Variants in RASA3 observed in about 807,000 individuals in gnomAD.
RASA3 encodes ras GTPase-activating protein 3.
A neutral mutation model predicts 110.0 loss-of-function variants in RASA3; 73 were observed. The ratio of observed to expected loss-of-function variants is 0.66; its 90% CI spans 0.55 to 0.81. The LOEUF (loss-of-function observed/expected upper bound fraction) is 0.81. Among genes scored for constraint, RASA3 ranks in the 30% least tolerant of loss-of-function variants. The pLI, the probability that RASA3 is intolerant of heterozygous loss-of-function variation, is 0.00. For synonymous variants in RASA3, 500 were observed against 451.4 expected (o/e 1.11, Z -1.37); for missense variants, 976 against 1,113.2 (o/e 0.88, Z 1.75).
intron 23 of RASA3, among the ~76,000 whole-genome samples, chr13:113,980,435 G>GCAC (rs2052904651): frequency 1.0e-5 from 1 of 96,590 alleles, no homozygotes; most frequent in Non-Finnish European, 2.1e-5. Context: ...CTCCGTGTGT[G>GCAC]CACCTCCTGC....
At position 114,132,126 on chromosome 13, in the gene RASA3, G is replaced by A. The variant is rs145852341; in HGVS notation, c.55+309C>T. Among the ~76,000 whole-genome samples, 611 of 152,368 alleles carry A rather than the reference G, an allele frequency of 4.0e-3. 1 individual carries two copies. Among genetic ancestry groups the A allele is most frequent in the African/African-American group, 0.013 (540 of 41,590 alleles). ...GGGGCACACGCTCGGGCGCACACGCGGACAGACGTCCCTCGGCGCAGGGAC... is the reference window on the plus strand; with the variant it reads ...GGGGCACACGCTCGGGCGCACACGCAGACAGACGTCCCTCGGCGCAGGGAC... On this transcript the variant is annotated intron_variant, in intron 1 of 23. Coordinates refer to ENST00000334062, the MANE Select transcript of RASA3 (RefSeq NM_007368.4).
At chr13:114,113,213 G>A (rs1490455559) in intron 1 of RASA3, among the ~76,000 whole-genome samples, 1 of 152,176 alleles carries the variant, frequency 6.6e-6, no homozygotes, top group African/African-American at 2.4e-5. Context: ...AGCCACACCG[G>A]CCTCCTCCTG....
At chr13:114,040,253 C>T (rs917470978) in intron 4 of RASA3, among the ~76,000 whole-genome samples, 19 of 152,098 alleles carry the variant, frequency 1.2e-4, no homozygotes, top group Admixed American at 1.1e-3. Flanking sequence ...GCGCTCACTC[C>T]GACCACAAGC....
At position 114,018,899 on chromosome 13, in the gene RASA3, T is replaced by C; in HGVS notation, c.806A>G (p.Asp269Gly). 6.2e-7 allele frequency: 1 copy of C among 1,613,776 alleles called. No individual in the cohort carries two copies. Among genetic ancestry groups the C allele is most frequent in the Non-Finnish European group, 8.5e-7 (1 of 1,179,962 alleles). Reference sequence around the variant, plus strand: ...TGGCTTTAGGCTCTTGCTACCATTGTCCCGGGGCTGGAGGAAGTACCTGGG... The same window carrying C: ...TGGCTTTAGGCTCTTGCTACCATTGCCCCGGGGCTGGAGGAAGTACCTGGG... ...YEAWYFLQPR[D>G]NGSKSLKPDD... is the part of the protein sequence containing the mutation. Residue 269 changes from aspartate (D) to glycine (G), a missense_variant, in exon 10 of 24, where the codon GAC becomes GGC. Coordinates refer to ENST00000334062, the MANE Select transcript of RASA3 (RefSeq NM_007368.4).
chr13:114,011,378 A>G lies in RASA3; in HGVS notation c.1513-130T>C, dbSNP rs1245854704. The G allele has an allele frequency of 5.0e-6, 4 of 792,714 alleles. No individual in the cohort carries two copies. Among genetic ancestry groups the G allele is most frequent in the African/African-American group, 1.7e-5 (1 of 58,274 alleles). 49.1% of individuals were successfully genotyped at this position (792,714 alleles called of 1,614,324 possible). On this transcript the variant is annotated intron_variant, in intron 15 of 23. Coordinates refer to ENST00000334062, the MANE Select transcript of RASA3 (RefSeq NM_007368.4). The surrounding 1 kb of genome is among the most constrained non-coding windows in gnomAD (Gnocchi z 4.8). ...GCTTGTGCATGAGCTACGGAGAAAC[A>G]GGGGTAGCGACGCAGATGGGACTGG...
intron 3 of RASA3, 103 bp from the exon 4 acceptor site, chr13:114,041,197 G>T: frequency 2.9e-6 from 3 of 1,019,706 alleles, no homozygotes; most frequent in South Asian, 1.4e-5. Flanking sequence ...ATTTCCAACA[G>T]TTTAATTCAG....
chr13:114,059,270 C>T (rs1028994722), intron 2 of RASA3, among the ~76,000 whole-genome samples: 3 of 152,218 alleles, frequency 2.0e-5, no homozygotes, highest in African/African-American at 7.2e-5. Flanking sequence ...ACAGCACAGT[C>T]CCCAGGTGCA....
chr13:114,089,982 C>A (rs983138569), intron 1 of RASA3, among the ~76,000 whole-genome samples: 13 of 152,196 alleles, frequency 8.5e-5, no homozygotes, highest in African/African-American at 2.9e-4. Flanking sequence ...CACAGCTCTG[C>A]CCATCTTCCT....
chr13:114,080,148 G>A (rs2079759874), intron 1 of RASA3, among the ~76,000 whole-genome samples: 1 of 152,206 alleles, frequency 6.6e-6, no homozygotes, highest in Non-Finnish European at 1.5e-5. Flanking sequence ...CTTGGATGGA[G>A]CCAGGCCCAG....
chr13:114,070,507 G>C (rs1162033154), intron 2 of RASA3, among the ~76,000 whole-genome samples: 4 of 152,178 alleles, frequency 2.6e-5, no homozygotes, highest in African/African-American at 9.7e-5. Context: ...CCAACTTTTT[G>C]TATGGGGTGG....
intron 23 of RASA3, 132 bp downstream of exon 23, chr13:113,981,543 G>T: frequency 9.9e-7 from 1 of 1,006,438 alleles, no homozygotes; most frequent in Non-Finnish European, 1.5e-6. Context: ...CCCGGTGCAA[G>T]TGGGACTCTC....
intron 4 of RASA3, among the ~76,000 whole-genome samples, chr13:114,033,212 A>G (rs112786859): frequency 2.3e-3 from 60 of 26,298 alleles, no homozygotes; most frequent in Admixed American, 5.6e-3. Flanking sequence ...CACGCCCCAC[A>G]GCACCCCCAC....
At chr13:113,998,707 G>A (rs566309180) in intron 20 of RASA3, among the ~76,000 whole-genome samples, 6 of 152,356 alleles carry the variant, frequency 3.9e-5, no homozygotes, top group East Asian at 3.9e-4. Flanking sequence ...CTGCCACGTC[G>A]GCACATCCGA....
chr13:114,019,562 G>C (rs887236945), intron 9 of RASA3, among the ~76,000 whole-genome samples: 2 of 151,780 alleles, frequency 1.3e-5, no homozygotes, highest in African/African-American at 4.8e-5. Context: ...CAGGTGGGTG[G>C]AGCCTGTCTG....
intron 23 of RASA3, among the ~76,000 whole-genome samples, chr13:113,980,558 G>A (rs75669176): frequency 2.0e-5 from 3 of 152,358 alleles, no homozygotes; most frequent in African/African-American, 4.8e-5. Context: ...CATGCTTCGC[G>A]CATTTTCAAC....
At chr13:114,025,204 C>A (rs2054005241) in intron 7 of RASA3, among the ~76,000 whole-genome samples, 1 of 152,262 alleles carries the variant, frequency 6.6e-6, no homozygotes, top group Non-Finnish European at 1.5e-5. Context: ...GGCTTGACAC[C>A]AAAATCATGT....
intron 21 of RASA3, among the ~76,000 whole-genome samples, chr13:113,993,624 A>G (rs2053167632): frequency 6.6e-6 from 1 of 151,544 alleles, no homozygotes; most frequent in Non-Finnish European, 1.5e-5. Context: ...CCTGGCCAAC[A>G]TGGTGAGACC....
chr13:114,122,561 G>C (rs1012173014), intron 1 of RASA3, among the ~76,000 whole-genome samples: 1 of 152,218 alleles, frequency 6.6e-6, no homozygotes, highest in Non-Finnish European at 1.5e-5. Context: ...CCCCCGAGCC[G>C]TGCCTTCCCC....
intron 19 of RASA3, 105 bp from the exon 20 acceptor site, chr13:113,999,772 C>T: frequency 2.4e-6 from 1 of 410,302 alleles, no homozygotes; most frequent in Non-Finnish European, 4.2e-6. Context: ...GGGGTCTTTA[C>T]CGGGGGGTCT....
Sources: gnomAD v4.1 joint callset for allele counts (sites outside exome capture counted in the v4.1 genomes callset) on GRCh38, gnomAD v4.1.1 for gene constraint, Gnocchi (gnomAD v3.1) non-coding constraint, MANE v1.5 for transcripts, NCBI Gene and HGNC (gene_info 2026-07-23, HGNC 2026-07-21) for gene names.